The following SRSF11 variants were observed in gnomAD, a reference collection of about 807,000 sequenced individuals.
SRSF11 encodes serine/arginine-rich splicing factor 11.
In SRSF11, 9 loss-of-function variants were observed where a neutral mutation model predicts 56.0. That is an observed-to-expected ratio of 0.16 (90% CI 0.10 to 0.28). SRSF11 has a LOEUF of 0.28. Ranked by LOEUF, SRSF11 falls within the 10% of genes least tolerant of loss-of-function variation. SRSF11 has a pLI of 1.00. For synonymous variants in SRSF11, 222 were observed against 215.3 expected (o/e 1.03, Z -0.27); for missense variants, 421 against 600.7 (o/e 0.70, Z 3.13).
intron 1 of SRSF11, among the ~76,000 whole-genome samples, chr1:70,208,663 G>A (rs558819820): frequency 6.6e-6 from 1 of 152,290 alleles, no homozygotes; most frequent in East Asian, 1.9e-4. Context: ...TGTAGTAAGT[G>A]CAGATTGAGC....
chr1:70,250,250 T>G, intron 10 of SRSF11, 115 bp from the exon 11 acceptor site: 2 of 1,498,670 alleles, frequency 1.3e-6, no homozygotes, highest in South Asian at 2.7e-5. Flanking sequence ...CTGTGTTACT[T>G]CTCCAAGGTT....
At chr1:70,222,067 A>T (rs1025493130) in intron 1 of SRSF11, among the ~76,000 whole-genome samples, 3 of 150,346 alleles carry the variant, frequency 2.0e-5, no homozygotes, top group African/African-American at 4.9e-5. Context: ...TTCTCGGGAA[A>T]TTTTTTTTTT....
upstream of SRSF11, among the ~76,000 whole-genome samples, chr1:70,216,666 C>G (rs1478944895): frequency 6.6e-6 from 1 of 152,090 alleles, no homozygotes; most frequent in African/African-American, 2.4e-5. Context: ...CAACTGGGCT[C>G]AAGCAATCCA....
chr1:70,230,398 T>C, intron 2 of SRSF11: 3 of 1,121,688 alleles, frequency 2.7e-6, no homozygotes, highest in Non-Finnish European at 3.3e-6. Context: ...ACAGTAGACA[T>C]AGTCTACGGT....
At chr1:70,242,774 T>C (rs544308636) in intron 7 of SRSF11, among the ~76,000 whole-genome samples, 26 of 152,362 alleles carry the variant, frequency 1.7e-4, no homozygotes, top group African/African-American at 5.3e-4. Flanking sequence ...AACAACTGTT[T>C]AATCTCTTAA....
At chr1:70,209,467 A>G (rs1400873833) in intron 1 of SRSF11, among the ~76,000 whole-genome samples, 1 of 152,218 alleles carries the variant, frequency 6.6e-6, no homozygotes, top group Admixed American at 6.5e-5. Context: ...GAGAGCTGCT[A>G]TCTTATGGTA....
At chr1:70,230,469 A>T in intron 2 of SRSF11, 4 of 1,221,644 alleles carry the variant, frequency 3.3e-6, no homozygotes, top group Non-Finnish European at 4.2e-6. Flanking sequence ...TCTTAATAGT[A>T]ATGGATTTGG....
chr1:70,250,707 A>G lies in SRSF11; in HGVS notation c.1357A>G (p.Lys453Glu). 6.2e-7 allele frequency: 1 copy of G among 1,614,070 alleles called. No individual in the cohort carries two copies. ...AATAGAAACAGGTTCCCCTAAAACA[A>G]AGGAATGTTCTGTGGAAAAGGGAAC... ...KPIETGSPKT[K>E]ECSVEKGTGD... Residue 453 changes from lysine (K) to glutamate (E), a missense_variant, in exon 12 of 12, where the codon AAG (lysine) becomes GAG (glutamate). Lys to Glu is a moderately conservative substitution (Grantham distance 56). Transcript: ENST00000370949.
intron 5 of SRSF11, among the ~76,000 whole-genome samples, chr1:70,236,804 T>TC (rs1674180618): frequency 1.4e-5 from 2 of 138,856 alleles, no homozygotes; most frequent in Non-Finnish European, 3.1e-5. Context: ...TTTTTTTTTT[T>TC]TTTTTTTTTT....
intron 1 of SRSF11, among the ~76,000 whole-genome samples, chr1:70,225,862 C>T (rs1671664049): frequency 6.6e-6 from 1 of 152,026 alleles, no homozygotes; most frequent in Admixed American, 6.5e-5. Flanking sequence ...GCAGTACTTC[C>T]ACAGAATTTT....
chr1:70,232,218 T>C (rs764925819), intron 2 of SRSF11, 50 bp from the exon 3 acceptor site: 1 of 1,613,946 alleles, frequency 6.2e-7, no homozygotes, highest in Non-Finnish European at 8.5e-7. Context: ...TTTTGTGTGT[T>C]TTCTGTCTTA....
At chr1:70,216,867 G>A (rs11581894), upstream of SRSF11, among the ~76,000 whole-genome samples, 25,899 of 152,078 alleles carry the variant, frequency 0.17, 2,747 homozygotes, top group Non-Finnish European at 0.23. Context: ...CACATGACAA[G>A]ATTTCTAAGT....
At chr1:70,230,945 A>G (rs1200862333) in intron 2 of SRSF11, 5 of 1,209,746 alleles carry the variant, frequency 4.1e-6, no homozygotes, top group Non-Finnish European at 3.1e-6. Flanking sequence ...AACTCTTGGT[A>G]TCTAAATTGA....
chr1:70,247,192 A>T, intron 9 of SRSF11: 1 of 787,684 alleles, frequency 1.3e-6, no homozygotes, highest in Non-Finnish European at 1.6e-6. Context: ...TGGCTAAACC[A>T]TACTGAATTG....
upstream of SRSF11, among the ~76,000 whole-genome samples, chr1:70,217,370 T>C (rs1571598760): frequency 6.6e-6 from 1 of 152,064 alleles, no homozygotes. Context: ...GTTGGTCAGG[T>C]TGGTCTCAAC....
chr1:70,236,152 T>C (rs900002294), intron 5 of SRSF11, among the ~76,000 whole-genome samples: 1 of 152,086 alleles, frequency 6.6e-6, no homozygotes, highest in Non-Finnish European at 1.5e-5. Context: ...TGGACTTTTT[T>C]CTTAGAAATT....
At chr1:70,221,115 T>G (rs952208549), upstream of SRSF11, 1 of 153,948 alleles carries the variant, frequency 6.5e-6, no homozygotes, top group Admixed American at 6.5e-5. Context: ...CAGTATTTAA[T>G]AAGAAGAGTT....
intron 7 of SRSF11, among the ~76,000 whole-genome samples, chr1:70,240,475 A>C (rs1675094337): frequency 6.6e-6 from 1 of 152,178 alleles, no homozygotes; most frequent in African/African-American, 2.4e-5. Context: ...AAAAGGCAAT[A>C]ATTTGTTATT....
upstream of SRSF11, among the ~76,000 whole-genome samples, chr1:70,219,926 G>T (rs570387077): frequency 1.3e-5 from 2 of 152,344 alleles, no homozygotes; most frequent in East Asian, 3.9e-4. Context: ...TAGATACTCT[G>T]TAAGGCTTCA....
Sources: gnomAD v4.1 joint callset for allele counts (sites outside exome capture counted in the v4.1 genomes callset) on GRCh38, gnomAD v4.1.1 for gene constraint, MANE v1.5 for transcripts, NCBI Gene and HGNC (gene_info 2026-07-23, HGNC 2026-07-21) for gene names.